The following GLIS3 variants were observed in gnomAD, a reference collection of about 807,000 sequenced individuals.
GLIS3 encodes zinc finger protein GLIS3.
Under a neutral mutation model 78.6 loss-of-function variants are expected in GLIS3, and 53 were observed. That is an observed-to-expected ratio of 0.67 (90% CI 0.54 to 0.85). The LOEUF (loss-of-function observed/expected upper bound fraction) is 0.85. Ranked by LOEUF, GLIS3 falls within the 40% of genes least tolerant of loss-of-function variation. The pLI is 0.00. For missense variants in GLIS3, 1,703 were observed against 1,231.1 expected (o/e 1.38, Z -5.74); for synonymous variants, 684 against 509.9 (o/e 1.34, Z -4.60).
Position 4,246,965 on chromosome 9 carries a change from G to C in GLIS3, c.388+39073C>G, listed in dbSNP as rs191023589. Among the ~76,000 whole-genome samples the C allele has an allele frequency of 2.2e-4, 33 of 152,302 alleles. 1 individual carries two copies. The highest frequency in any genetic ancestry group is 7.5e-4 in the African/African-American group (31 of 41,584). The stretch of plus-strand genomic sequence containing the variant: ...GATCAAGCCAGCTCACAGCTAGTTT[G>C]ATTTAAGCATAATACATTTGTGAAA... On this transcript the variant is annotated intron_variant, in intron 2 of 10. Coordinates refer to ENST00000381971, the MANE Select transcript of GLIS3 (RefSeq NM_001042413.2).
intron 3 of GLIS3, among the ~76,000 whole-genome samples, chr9:4,309,154 T>G (rs1817299623): frequency 6.6e-6 from 1 of 152,346 alleles, no homozygotes; most frequent in East Asian, 1.9e-4. Flanking sequence ...GTCAAGCTGT[T>G]CAACCTTTTG....
At chr9:4,373,770 C>G in the GLIS3 span, among the ~76,000 whole-genome samples, 62 of 151,534 alleles carry the variant, frequency 4.1e-4, no homozygotes, top group Non-Finnish European at 6.8e-4. Context: ...TGGGTTCAAG[C>G]AATTCTCCTG....
chr9:4,062,530 T>C (rs1248258006), intron 4 of GLIS3, among the ~76,000 whole-genome samples: 1 of 152,180 alleles, frequency 6.6e-6, no homozygotes, highest in Non-Finnish European at 1.5e-5. Flanking sequence ...ATGATCTAGG[T>C]TAAGGCACTT....
intron 2 of GLIS3, among the ~76,000 whole-genome samples, chr9:4,322,341 G>A (rs1817544351): frequency 6.6e-6 from 1 of 152,160 alleles, no homozygotes; most frequent in South Asian, 2.1e-4. Context: ...ATAAACATAT[G>A]TGTGCATGTG....
chr9:4,395,132 G>A, the GLIS3 span, among the ~76,000 whole-genome samples: 1 of 152,118 alleles, frequency 6.6e-6, no homozygotes, highest in Non-Finnish European at 1.5e-5. Context: ...AATGTTAAGG[G>A]TTTTATGCAG....
At chr9:4,406,907 A>G in the GLIS3 span, among the ~76,000 whole-genome samples, 3 of 152,214 alleles carry the variant, frequency 2.0e-5, no homozygotes, top group South Asian at 4.1e-4. Flanking sequence ...TCCTATCAAA[A>G]TAACAATTAC....
intron 2 of GLIS3, among the ~76,000 whole-genome samples, chr9:4,214,855 C>T (rs1344654227): frequency 1.3e-5 from 2 of 152,162 alleles, no homozygotes; most frequent in African/African-American, 4.8e-5. Context: ...ATTAGCCTTG[C>T]AAGGCTGGTC....
chr9:4,022,619 G>A (rs1045440654), intron 4 of GLIS3, among the ~76,000 whole-genome samples: 1 of 152,108 alleles, frequency 6.6e-6, no homozygotes, highest in Non-Finnish European at 1.5e-5. Context: ...AGTGAGACTT[G>A]TAAACAAGTG....
At chr9:4,126,840 G>A (rs1375562155) in intron 2 of GLIS3, among the ~76,000 whole-genome samples, 3 of 152,062 alleles carry the variant, frequency 2.0e-5, no homozygotes, top group African/African-American at 7.3e-5. Context: ...CCCATTTCTA[G>A]CAAACAAAAA....
At chr9:4,218,479 T>C (rs761841656) in intron 2 of GLIS3, among the ~76,000 whole-genome samples, 21 of 152,206 alleles carry the variant, frequency 1.4e-4, no homozygotes, top group Non-Finnish European at 2.6e-4. Flanking sequence ...GGGGTTTCAC[T>C]GTGTTAGCCA....
the GLIS3 span, among the ~76,000 whole-genome samples, chr9:4,404,763 G>T: frequency 1.3e-5 from 2 of 151,936 alleles, no homozygotes; most frequent in Non-Finnish European, 2.9e-5. Context: ...CATCAAAAAA[G>T]AAGAAAAGCT....
chr9:4,437,486 T>G, the GLIS3 span, among the ~76,000 whole-genome samples: 1 of 150,376 alleles, frequency 6.6e-6, no homozygotes, highest in Non-Finnish European at 1.5e-5. Flanking sequence ...CATTTAATCC[T>G]CAATTACCTC....
the GLIS3 span, among the ~76,000 whole-genome samples, chr9:4,367,370 A>G: frequency 8.4e-4 from 128 of 152,182 alleles, 3 homozygotes; most frequent in East Asian, 0.024. Context: ...AGTCTTACAT[A>G]TCCTTTAGGA....
intron 4 of GLIS3, among the ~76,000 whole-genome samples, chr9:4,097,869 C>T (rs141919168): frequency 6.6e-6 from 1 of 152,122 alleles, no homozygotes. Context: ...CACAAAAAAA[C>T]CCCACAAAAC....
chr9:4,390,818 G>A, the GLIS3 span, among the ~76,000 whole-genome samples: 4 of 152,144 alleles, frequency 2.6e-5, no homozygotes, highest in Admixed American at 6.5e-5. Flanking sequence ...CTGGGACAGG[G>A]TTTAGATCAC....
intron 4 of GLIS3, among the ~76,000 whole-genome samples, chr9:4,026,813 T>C (rs1488767860): frequency 1.3e-5 from 2 of 152,242 alleles, no homozygotes; most frequent in Non-Finnish European, 2.9e-5. Flanking sequence ...TTAACTTCTA[T>C]TGGCCAAACA....
At chr9:4,249,517 G>C (rs182927231) in intron 2 of GLIS3, among the ~76,000 whole-genome samples, 11 of 152,250 alleles carry the variant, frequency 7.2e-5, no homozygotes, top group African/African-American at 2.6e-4. Context: ...GGAGGTTTGG[G>C]GCTGAGACAA....
chr9:4,004,148 T>G (rs955603288), intron 4 of GLIS3, among the ~76,000 whole-genome samples: 1 of 152,320 alleles, frequency 6.6e-6, no homozygotes, highest in Non-Finnish European at 1.5e-5. Flanking sequence ...ATATGATATG[T>G]TAAAGGTTAC....
chr9:4,289,984 G>T (rs1012777668), intron 1 of GLIS3, among the ~76,000 whole-genome samples: 18 of 152,064 alleles, frequency 1.2e-4, no homozygotes, highest in African/African-American at 4.1e-4. Context: ...ATAAAATCAT[G>T]ACTCTACCTT....
Sources: allele counts gnomAD v4.1 joint callset (sites outside exome capture counted in the v4.1 genomes callset), GRCh38; gene constraint gnomAD v4.1.1; transcripts MANE v1.5; gene names NCBI Gene and HGNC (gene_info 2026-07-23, HGNC 2026-07-21).